ELF1: variants seen among roughly 807,000 people sequenced by gnomAD.
The protein encoded by ELF1 is E74 like ETS transcription factor 1, also known as ETS-related transcription factor Elf-1.
A neutral mutation model predicts 59.9 loss-of-function variants in ELF1; 24 were observed. The ratio of observed to expected loss-of-function variants is 0.40; its 90% confidence interval spans 0.29 to 0.56. The LOEUF (loss-of-function observed/expected upper bound fraction) is 0.56. ELF1 is among the 20% of genes least tolerant of loss of function. ELF1 has a pLI of 0.44. For missense variants in ELF1, 627 were observed against 742.2 expected (o/e 0.84, Z 1.80); for synonymous variants, 248 against 266.2 (o/e 0.93, Z 0.67).
intron 1 of ELF1, among the ~76,000 whole-genome samples, chr13:41,040,513 G>A (rs980756097): frequency 2.6e-5 from 4 of 152,192 alleles, no homozygotes; most frequent in Non-Finnish European, 4.4e-5. Flanking sequence ...ATTTTTTCAC[G>A]GATGGGGGGC....
intron 1 of ELF1, among the ~76,000 whole-genome samples, chr13:40,997,257 T>G (rs534507955): frequency 3.7e-4 from 57 of 152,302 alleles, no homozygotes; most frequent in African/African-American, 1.3e-3. Flanking sequence ...TTTATTATTT[T>G]AATCTTTTTT....
intron 3 of ELF1, among the ~76,000 whole-genome samples, chr13:40,952,922 C>T: frequency 6.6e-6 from 1 of 151,652 alleles, no homozygotes. Flanking sequence ...GCATGTGTAT[C>T]TAAAAGATGT....
intron 1 of ELF1, among the ~76,000 whole-genome samples, chr13:41,045,622 T>C (rs976734827): frequency 6.6e-6 from 1 of 152,242 alleles, no homozygotes; most frequent in African/African-American, 2.4e-5. Flanking sequence ...TGAGTTCTAT[T>C]GATTGCACTG....
At chr13:40,949,781 GC>G (rs2138155807) in intron 5 of ELF1, 24 bp downstream of exon 5, 1 of 1,611,848 alleles carries the variant, frequency 6.2e-7, no homozygotes, top group Admixed American at 1.7e-5. Flanking sequence ...TTGACTATGC[GC>G]CCTAAACAAA....
At chr13:40,936,170 AGAG>A (rs1371633447) in intron 8 of ELF1, among the ~76,000 whole-genome samples, 1 of 152,164 alleles carries the variant, frequency 6.6e-6, no homozygotes, top group African/African-American at 2.4e-5. Context: ...GTGACCAGTT[AGAG>A]AAGAAGAGAG....
chr13:41,009,602 C>G (rs1378618819), intron 1 of ELF1, among the ~76,000 whole-genome samples: 1 of 152,088 alleles, frequency 6.6e-6, no homozygotes, highest in Non-Finnish European at 1.5e-5. Flanking sequence ...ATTTGCATTC[C>G]TTTGCTAGAA....
intron 3 of ELF1, among the ~76,000 whole-genome samples, chr13:40,955,991 G>C (rs546083828): frequency 6.4e-4 from 92 of 143,442 alleles, no homozygotes; most frequent in Non-Finnish European, 1.2e-3. Context: ...CCGTCCAGGA[G>C]GTGAGGGGCG....
At position 40,933,963 on chromosome 13, in the gene ELF1, A is replaced by G; in HGVS notation, c.1322T>C (p.Val441Ala). The change falls in exon 9 of 9, where the codon GTA becomes GCA. Residue 441 changes from valine to alanine, a missense_variant. Physicochemically the swap from Val to Ala is moderately conservative, Grantham distance 64. Transcript: ENST00000239882. ...TGTGAGTGGCACTGTTTGGAGTGTT[A>G]CTGTATGCAACTGCTGATTCCTAGG... ...VSPRNQQLHT[V>A]TLQTVPLTTV... 6.2e-7 allele frequency: 1 copy of G among 1,614,226 alleles called. No individual in the cohort carries two copies. Among genetic ancestry groups the G allele is most frequent in the East Asian group, 2.2e-5 (1 of 44,890 alleles).
Position 40,941,137 on chromosome 13 carries a change from G to A in ELF1, c.1040C>T (p.Pro347Leu), listed in dbSNP as rs571253522. Reference protein sequence around the residue: ...VKGGATTVLKPGNSKAAKPKD... With the variant: ...VKGGATTVLKLGNSKAAKPKD... The stretch of plus-strand genomic sequence containing the variant: ...GGGTTTTGCAGCTTTAGAATTCCCT[G>A]GTTTTAGAACTGTAGTGGCTCCTCC... The change falls in exon 8 of 9, where the codon CCA becomes CTA. Residue 347 changes from proline (P) to leucine (L), a missense_variant. Pro to Leu is a moderately conservative substitution (Grantham distance 98). Coordinates refer to ENST00000239882, the MANE Select transcript of ELF1 (RefSeq NM_172373.4). The A allele has an allele frequency of 9.5e-5, 153 of 1,613,964 alleles. No individual in the cohort carries two copies. Among genetic ancestry groups the A allele is most frequent in the Non-Finnish European group, 1.2e-4 (142 of 1,180,006 alleles).
intron 7 of ELF1, among the ~76,000 whole-genome samples, chr13:40,942,412 GA>G (rs771273884): frequency 3.3e-5 from 5 of 152,290 alleles, no homozygotes; most frequent in Non-Finnish European, 7.4e-5. Flanking sequence ...GTGAGCTTAA[GA>G]ATGTTACTCT....
At chr13:41,047,134 C>T (rs1053032182) in intron 1 of ELF1, among the ~76,000 whole-genome samples, 4 of 152,164 alleles carry the variant, frequency 2.6e-5, no homozygotes, top group Admixed American at 1.3e-4. Context: ...TCCATCAGGT[C>T]GTTTAAGGAC....
In ELF1 at chr13:40,979,109, C is replaced by T. The variant is rs531301316; in HGVS notation, c.72+2874G>A. On this transcript the variant is annotated intron_variant, in intron 2 of 8. Coordinates refer to ENST00000239882, the MANE Select transcript of ELF1 (RefSeq NM_172373.4). Reference sequence around the variant, plus strand: ...ACAGACTTGTCCATCTTTATGTCCACGTAACACAGCCTTTTAAAAGAATAT... The same window carrying T: ...ACAGACTTGTCCATCTTTATGTCCATGTAACACAGCCTTTTAAAAGAATAT... Among the ~76,000 whole-genome samples, 17 of 151,866 alleles carry T rather than the reference C, an allele frequency of 1.1e-4. 1 individual carries two copies. In the South Asian group the frequency reaches 1.2e-3, roughly 11 times the overall value.
chr13:41,001,642 G>A (rs756803397), intron 1 of ELF1, among the ~76,000 whole-genome samples: 3 of 152,170 alleles, frequency 2.0e-5, no homozygotes, highest in Non-Finnish European at 2.9e-5. Flanking sequence ...ACCAAAATTT[G>A]TGCCCTCATA....
chr13:41,014,217 T>C (rs1715942244), intron 1 of ELF1, among the ~76,000 whole-genome samples: 1 of 152,308 alleles, frequency 6.6e-6, no homozygotes. Context: ...CTTTTCATTA[T>C]AGACCTATGA....
chr13:40,975,189 T>A (rs1325437040), intron 2 of ELF1, among the ~76,000 whole-genome samples: 2 of 152,336 alleles, frequency 1.3e-5, no homozygotes, highest in East Asian at 3.9e-4. Flanking sequence ...TCACTGGCGC[T>A]GAATAAGTTA....
At chr13:41,052,848 C>T (rs1035857650) in intron 1 of ELF1, among the ~76,000 whole-genome samples, 1 of 152,180 alleles carries the variant, frequency 6.6e-6, no homozygotes, top group Non-Finnish European at 1.5e-5. Flanking sequence ...TGTAAACCTA[C>T]ATAAACGTGC....
chr13:41,019,560 C>A (rs1875604671), upstream of ELF1, among the ~76,000 whole-genome samples: 1 of 151,872 alleles, frequency 6.6e-6, no homozygotes, highest in South Asian at 2.1e-4. Flanking sequence ...AGAGTAAGAA[C>A]CTACAAGGGA....
At chr13:41,049,608 ACT>A (rs1387702104) in intron 1 of ELF1, among the ~76,000 whole-genome samples, 2 of 151,650 alleles carry the variant, frequency 1.3e-5, no homozygotes, top group Non-Finnish European at 1.5e-5. Flanking sequence ...CCCAAAATAC[ACT>A]CTTTCCTCCT....
intron 2 of ELF1, 108 bp from the exon 3 acceptor site, chr13:40,959,124 G>T: frequency 7.2e-7 from 1 of 1,386,266 alleles, no homozygotes. Flanking sequence ...TTAATTTTTA[G>T]ATCATCAGGC....
Sources: gnomAD v4.1 joint callset for allele counts (sites outside exome capture counted in the v4.1 genomes callset) on GRCh38, gnomAD v4.1.1 for gene constraint, MANE v1.5 for transcripts, NCBI Gene and HGNC (gene_info 2026-07-23, HGNC 2026-07-21) for gene names.